Variants in CSTL1 observed in about 807,000 individuals in gnomAD.
CSTL1 encodes cystatin like 1.
A neutral mutation model predicts 14.4 loss-of-function variants in CSTL1; 14 were observed. The ratio of observed to expected loss-of-function variants is 0.97; its 90% confidence interval spans 0.64 to 1.52. The LOEUF is 1.52. Ranked by LOEUF, CSTL1 falls within the 40% of genes most tolerant of loss-of-function variation. The pLI, the probability that CSTL1 is intolerant of heterozygous loss-of-function variation, is 0.00. For missense variants in CSTL1, 170 were observed against 168.7 expected (o/e 1.01, Z -0.04); for synonymous variants, 72 against 67.5 (o/e 1.07, Z -0.33).
In CSTL1 at chr20:23,440,347, G is replaced by T. The variant is rs779975528; in HGVS notation, c.80G>T (p.Arg27Met). Residue 27 changes from arginine to methionine, a missense_variant, in exon 2 of 4, where the codon AGG becomes ATG. Physicochemically the swap from Arg to Met is moderately conservative, Grantham distance 91. Transcript: ENST00000347397. ...VLSAKLGHFQ[R>M]WEGFQQKLMS... ...TCAGCCAAGCTGGGTCACTTCCAAAGGTGGGAGGGCTTCCAGCAGAAGCTC... is the reference window on the plus strand; with the variant it reads ...TCAGCCAAGCTGGGTCACTTCCAAATGTGGGAGGGCTTCCAGCAGAAGCTC... The T allele has an allele frequency of 1.2e-6, 2 of 1,614,082 alleles. No homozygotes were observed. Among genetic ancestry groups the T allele is most frequent in the South Asian group, 1.1e-5 (1 of 91,090 alleles).
At chr20:23,441,051 G>T (rs920321535) in intron 2 of CSTL1, among the ~76,000 whole-genome samples, 1 of 152,180 alleles carries the variant, frequency 6.6e-6, no homozygotes, top group Admixed American at 6.5e-5. Flanking sequence ...GAGATACCAC[G>T]CCCGGCCAGC....
the CSTL1 span, chr20:23,450,518 G>T: frequency 6.2e-7 from 1 of 1,611,436 alleles, no homozygotes; most frequent in South Asian, 1.1e-5. Context: ...AGTCACTGCT[G>T]CAGCTTTTGT....
the CSTL1 span, chr20:23,452,614 C>A: frequency 5.0e-6 from 8 of 1,613,498 alleles, no homozygotes; most frequent in East Asian, 1.3e-4. Context: ...CTCGGAAGAT[C>A]CTGAAGTGGT....
At chr20:23,456,108 G>T in the CSTL1 span, among the ~76,000 whole-genome samples, 189 of 152,230 alleles carry the variant, frequency 1.2e-3, 1 homozygote, top group Non-Finnish European at 2.4e-3. Context: ...CAGAGAATGT[G>T]CCCCTTATGG....
intron 2 of CSTL1, 111 bp from the exon 3 acceptor site, chr20:23,443,823 G>T: frequency 1.3e-6 from 1 of 741,304 alleles, no homozygotes; most frequent in South Asian, 1.8e-5. Context: ...TAAGCTCCGC[G>T]AACAAGAACT....
At chr20:23,451,095 C>A in the CSTL1 span, among the ~76,000 whole-genome samples, 1 of 152,180 alleles carries the variant, frequency 6.6e-6, no homozygotes, top group Non-Finnish European at 1.5e-5. Context: ...ATTCATCCCT[C>A]ATCCATCTCC....
At chr20:23,442,635 C>T (rs1204391482) in intron 2 of CSTL1, among the ~76,000 whole-genome samples, 3 of 152,190 alleles carry the variant, frequency 2.0e-5, no homozygotes, top group Admixed American at 1.3e-4. Context: ...GCATGGATGG[C>T]CCCCACATGT....
the CSTL1 span, among the ~76,000 whole-genome samples, chr20:23,454,102 C>T: frequency 6.6e-6 from 1 of 151,910 alleles, no homozygotes; most frequent in Admixed American, 6.6e-5. Context: ...AACACACACA[C>T]AACACACAGA....
the CSTL1 span, among the ~76,000 whole-genome samples, chr20:23,457,319 C>T: frequency 1.1e-4 from 16 of 152,248 alleles, no homozygotes; most frequent in African/African-American, 3.6e-4. Flanking sequence ...CCTCTGTTCC[C>T]GACTCCTGGA....
the CSTL1 span, among the ~76,000 whole-genome samples, chr20:23,454,922 G>T: frequency 6.6e-6 from 1 of 152,174 alleles, no homozygotes; most frequent in Non-Finnish European, 1.5e-5. Context: ...TTGCAGTGGG[G>T]GTAGTCTCAT....
chr20:23,445,077 C>A, downstream of CSTL1: 1 of 648,186 alleles, frequency 1.5e-6, no homozygotes, highest in Non-Finnish European at 2.8e-6. Context: ...TCACCACTCA[C>A]ATACATGCAC....
downstream of CSTL1, chr20:23,445,023 C>A (rs139725510): frequency 1.1e-3 from 706 of 658,084 alleles, 5 homozygotes; most frequent in African/African-American, 0.011. Flanking sequence ...CTTACCTTCA[C>A]AACCCACACA....
chr20:23,444,920 G>A lies in CSTL1; in HGVS notation c.*42G>A. 1 of 1,327,842 alleles carries A rather than the reference G, an allele frequency of 7.5e-7. No homozygotes were observed. The highest frequency in any genetic ancestry group is 1.1e-6 in the Non-Finnish European group (1 of 919,508). The allele number at this position is 1,327,842 out of a possible 1,614,324, so 82.3% of individuals were successfully genotyped here. A position where few individuals can be genotyped will look rare whatever the true frequency, so the allele number is the denominator to read the frequency against. ...GTTGTGCACTGGCTGTTATTAAACT[G>A]TAAAGGATCATGTCTCCCTCATTGG... On this transcript the variant is annotated 3_prime_UTR_variant, in exon 4 of 4. Coordinates refer to ENST00000347397, the MANE Select transcript of CSTL1 (RefSeq NM_138283.1).
At chr20:23,449,884 G>A (rs1046983752), downstream of CSTL1, among the ~76,000 whole-genome samples, 3 of 152,158 alleles carry the variant, frequency 2.0e-5, no homozygotes, top group African/African-American at 4.8e-5. Context: ...GACAGACCTG[G>A]TTTGGTCCAG....
At chr20:23,445,231 C>CTT (rs11478198), downstream of CSTL1, among the ~76,000 whole-genome samples, 26 of 134,162 alleles carry the variant, frequency 1.9e-4, no homozygotes, top group Non-Finnish European at 2.6e-4. Flanking sequence ...TTCTTTCTTT[C>CTT]TTTTTTTTTT....
chr20:23,444,836 T>C lies in CSTL1; in HGVS notation c.396T>C (p.Asn132=). 3 of 1,614,074 alleles carry C rather than the reference T, an allele frequency of 1.9e-6. No homozygotes were observed. Among genetic ancestry groups the C allele is most frequent in the Non-Finnish European group, 2.5e-6 (3 of 1,179,930 alleles). ...PWINYFQLWN[N]SCLEAEHVGR... The stretch of plus-strand genomic sequence containing the variant: ...TAAACTATTTCCAGCTCTGGAACAA[T>C]TCCTGTCTGGAGGCCGAGCATGTGG... Residue 132 remains asparagine (N), a synonymous_variant, in exon 4 of 4, where the codon AAT becomes AAC. Transcript: ENST00000347397.
downstream of CSTL1, among the ~76,000 whole-genome samples, chr20:23,445,625 C>A (rs1986951344): frequency 6.6e-6 from 1 of 152,144 alleles, no homozygotes; most frequent in Non-Finnish European, 1.5e-5. Context: ...TCTACGCCAC[C>A]CCACATCTCT....
the CSTL1 span, among the ~76,000 whole-genome samples, chr20:23,453,480 C>A: frequency 6.6e-6 from 1 of 152,102 alleles, no homozygotes; most frequent in Non-Finnish European, 1.5e-5. Flanking sequence ...ACACAGGGAG[C>A]TTTCTGGTTG....
Position 23,440,168 on chromosome 20 carries a change from A to G in CSTL1, c.-100A>G, listed in dbSNP as rs1260923479. The G allele has an allele frequency of 4.9e-6, 6 of 1,219,664 alleles. No homozygotes were observed. Among genetic ancestry groups the G allele is most frequent in the African/African-American group, 1.5e-5 (1 of 67,030 alleles). 75.6% of individuals were successfully genotyped at this position (1,219,664 alleles called of 1,614,324 possible). A position where few individuals can be genotyped will look rare whatever the true frequency, so the allele number is the denominator to read the frequency against. The stretch of plus-strand genomic sequence containing the variant: ...GGCAGGCCATCCCCCAGGAAAGCCT[A>G]TGTTGGTGAGGGTTATGATGGGAGA... On this transcript the variant is annotated 5_prime_UTR_variant, in exon 2 of 4. It removes an upstream start codon present in the reference 5' UTR. Transcript: ENST00000347397.
Sources: allele counts gnomAD v4.1 joint callset (sites outside exome capture counted in the v4.1 genomes callset), GRCh38; gene constraint gnomAD v4.1.1; transcripts MANE v1.5; gene names NCBI Gene and HGNC (gene_info 2026-07-23, HGNC 2026-07-21).